Variants in CADPS2 observed in about 807,000 individuals in gnomAD.
CADPS2 encodes calcium dependent secretion activator 2, also known as calcium-dependent secretion activator 2.
CADPS2 carries 93 observed loss-of-function variants against 172.5 expected under a neutral mutation model. The observed-to-expected ratio is 0.54, with a 90% CI of 0.46 to 0.64. The LOEUF (loss-of-function observed/expected upper bound fraction) is 0.64. Among genes scored for constraint, CADPS2 ranks in the 30% least tolerant of loss-of-function variants. The pLI is 0.00. For missense variants in CADPS2, 1,420 were observed against 1,565.9 expected (o/e 0.91, Z 1.57); for synonymous variants, 546 against 555.2 (o/e 0.98, Z 0.23).
intron 1 of CADPS2, among the ~76,000 whole-genome samples, chr7:122,812,186 A>C (rs1015492426): frequency 6.6e-6 from 1 of 152,102 alleles, no homozygotes; most frequent in Non-Finnish European, 1.5e-5. Context: ...TGGAGGTTAT[A>C]TATGTTGGTA....
chr7:122,836,514 T>A (rs536320201), intron 1 of CADPS2, among the ~76,000 whole-genome samples: 61 of 152,284 alleles, frequency 4.0e-4, no homozygotes, highest in African/African-American at 1.4e-3. Context: ...GACCCATCAG[T>A]GTGCTGTCTT....
intron 1 of CADPS2, among the ~76,000 whole-genome samples, chr7:122,777,746 G>T (rs1205788159): frequency 6.6e-6 from 1 of 152,014 alleles, no homozygotes; most frequent in Non-Finnish European, 1.5e-5. Flanking sequence ...GAGCATGTTT[G>T]TTCCCCTTCC....
intron 8 of CADPS2, among the ~76,000 whole-genome samples, chr7:122,539,159 C>G (rs962922555): frequency 2.0e-5 from 3 of 152,008 alleles, no homozygotes; most frequent in Admixed American, 2.0e-4. Flanking sequence ...CACTTAAAAC[C>G]TAATGCAACA....
At chr7:122,778,112 G>A (rs890474444) in intron 1 of CADPS2, among the ~76,000 whole-genome samples, 1 of 152,116 alleles carries the variant, frequency 6.6e-6, no homozygotes, top group African/African-American at 2.4e-5. Flanking sequence ...TGACCAAAAT[G>A]CTGATAGTGA....
intron 2 of CADPS2, among the ~76,000 whole-genome samples, chr7:122,700,333 T>C (rs917514480): frequency 4.6e-5 from 7 of 152,090 alleles, no homozygotes; most frequent in African/African-American, 1.7e-4. Context: ...ACAAGAAAGA[T>C]GAAGGAACAA....
intron 6 of CADPS2, among the ~76,000 whole-genome samples, chr7:122,583,489 G>T (rs1329985694): frequency 6.6e-6 from 1 of 151,672 alleles, no homozygotes; most frequent in Non-Finnish European, 1.5e-5. Context: ...TTACCTTTAA[G>T]TGTGATAACT....
intron 6 of CADPS2, among the ~76,000 whole-genome samples, chr7:122,614,690 T>C (rs573471605): frequency 3.9e-5 from 6 of 152,294 alleles, no homozygotes; most frequent in African/African-American, 9.6e-5. Flanking sequence ...AGCAGCTTTA[T>C]GCTCTGAATA....
chr7:122,822,971 G>C (rs1049578700), intron 1 of CADPS2, among the ~76,000 whole-genome samples: 1 of 152,092 alleles, frequency 6.6e-6, no homozygotes, highest in African/African-American at 2.4e-5. Context: ...AAGCCTGTTT[G>C]GTGGTCTCTT....
chr7:122,483,842 T>TA (rs1178797416), intron 11 of CADPS2, among the ~76,000 whole-genome samples: 1 of 151,958 alleles, frequency 6.6e-6, no homozygotes, highest in Non-Finnish European at 1.5e-5. Context: ...TGGACTGAAA[T>TA]AAAAAATTCC....
At chr7:122,856,041 C>G (rs767318494) in intron 1 of CADPS2, among the ~76,000 whole-genome samples, 12 of 152,142 alleles carry the variant, frequency 7.9e-5, no homozygotes, top group Non-Finnish European at 1.8e-4. Flanking sequence ...GGCCCCTTCC[C>G]CCTTCCTTCT....
chr7:122,491,410 T>C lies in CADPS2; in HGVS notation c.1553A>G (p.Tyr518Cys). The change falls in exon 10 of 30, where the codon TAT becomes TGT. Residue 518 changes from tyrosine (Y) to cysteine (C), a missense_variant. Transcript: ENST00000449022. Reference sequence around the variant, plus strand: ...TCTATAACTGCACATAGCAAAGGTATATTGGCTAACCTGCTCGAGAAAAAA... The same window carrying C: ...TCTATAACTGCACATAGCAAAGGTACATTGGCTAACCTGCTCGAGAAAAAA... Reference protein sequence around the residue: ...RYFVLVQVSQYTFAMCSYREK... With the variant: ...RYFVLVQVSQCTFAMCSYREK... 6.2e-7 allele frequency: 1 copy of C among 1,601,358 alleles called. No individual in the cohort carries two copies. Among genetic ancestry groups the C allele is most frequent in the Non-Finnish European group, 8.5e-7 (1 of 1,172,974 alleles).
At chr7:122,578,090 A>G (rs2068280107) in intron 7 of CADPS2, among the ~76,000 whole-genome samples, 1 of 150,964 alleles carries the variant, frequency 6.6e-6, no homozygotes, top group African/African-American at 2.4e-5. Flanking sequence ...GTATATATAT[A>G]CACATATATA....
chr7:122,602,166 T>C (rs1359265640), intron 6 of CADPS2, among the ~76,000 whole-genome samples: 2 of 151,172 alleles, frequency 1.3e-5, no homozygotes, highest in African/African-American at 4.9e-5. Flanking sequence ...AATTACATAA[T>C]GCATAGATCA....
intron 1 of CADPS2, among the ~76,000 whole-genome samples, chr7:122,866,345 C>T (rs1419951008): frequency 6.6e-6 from 1 of 152,042 alleles, no homozygotes; most frequent in East Asian, 1.9e-4. Context: ...CTACTCTTGC[C>T]CCTACAATCT....
chr7:122,595,596 G>A (rs1319278132), intron 6 of CADPS2, among the ~76,000 whole-genome samples: 3 of 152,048 alleles, frequency 2.0e-5, no homozygotes, highest in African/African-American at 7.2e-5. Context: ...GTAACGTGGA[G>A]GACTTTACAG....
chr7:122,679,614 C>T (rs2082802574), intron 2 of CADPS2, among the ~76,000 whole-genome samples: 1 of 152,142 alleles, frequency 6.6e-6, no homozygotes, highest in South Asian at 2.1e-4. Flanking sequence ...TATTCGTATA[C>T]TCCCTCCCCT....
intron 5 of CADPS2, among the ~76,000 whole-genome samples, chr7:122,616,696 G>A (rs1463417802): frequency 3.3e-5 from 5 of 152,114 alleles, no homozygotes; most frequent in African/African-American, 1.2e-4. Flanking sequence ...GAGAAAAGCA[G>A]TATCTTTCAC....
intron 23 of CADPS2, 132 bp downstream of exon 23, chr7:122,388,451 A>G: frequency 2.1e-6 from 2 of 942,376 alleles, no homozygotes; most frequent in East Asian, 5.3e-5. Flanking sequence ...AGATAACCTA[A>G]TACTCATTAA....
intron 2 of CADPS2, among the ~76,000 whole-genome samples, chr7:122,680,390 T>C (rs142399329): frequency 8.1e-4 from 124 of 152,318 alleles, no homozygotes; most frequent in African/African-American, 2.9e-3. Context: ...TCCCTTATGA[T>C]TAATCTAAAC....
Sources: gnomAD v4.1 joint callset for allele counts (sites outside exome capture counted in the v4.1 genomes callset) on GRCh38, gnomAD v4.1.1 for gene constraint, MANE v1.5 for transcripts, NCBI Gene and HGNC (gene_info 2026-07-23, HGNC 2026-07-21) for gene names.